METTL8: variants seen among roughly 807,000 people sequenced by gnomAD.
METTL8 encodes tRNA N(3)-cytidine methyltransferase METTL8, mitochondrial.
METTL8 carries 32 observed loss-of-function variants against 48.7 expected under a neutral mutation model. The ratio of observed to expected loss-of-function variants is 0.66; its 90% CI spans 0.50 to 0.88. The LOEUF (loss-of-function observed/expected upper bound fraction) is 0.88. METTL8 is among the 40% of genes least tolerant of loss of function. METTL8 has a pLI of 0.00. For synonymous variants in METTL8, 136 were observed against 157.1 expected, an observed-to-expected ratio of 0.87 and a Z score of 1.01; for missense variants, 464 against 474.4, an observed-to-expected ratio of 0.98 and a Z score of 0.20.
intron 1 of METTL8, among the ~76,000 whole-genome samples, chr2:171,404,046 C>T (rs1689903598): frequency 1.3e-5 from 1 of 78,146 alleles, no homozygotes. Flanking sequence ...ACATACTATG[C>T]TTTCTCATAT....
At chr2:171,355,521 A>G (rs1684433202) in intron 3 of METTL8, among the ~76,000 whole-genome samples, 1 of 152,232 alleles carries the variant, frequency 6.6e-6, no homozygotes, top group African/African-American at 2.4e-5. Flanking sequence ...TTAAGTCTGC[A>G]GAAGCTTCTG....
intron 7 of METTL8, among the ~76,000 whole-genome samples, chr2:171,329,392 C>G (rs1685291685): frequency 6.6e-6 from 1 of 152,202 alleles, no homozygotes; most frequent in African/African-American, 2.4e-5. Flanking sequence ...TTAGATGTTT[C>G]TTGTTATGGG....
chr2:171,361,795 A>C (rs541397443), intron 2 of METTL8, among the ~76,000 whole-genome samples: 1 of 152,268 alleles, frequency 6.6e-6, no homozygotes, highest in South Asian at 2.1e-4. Context: ...GGACACAGAG[A>C]GATTTAAGAT....
intron 1 of METTL8, among the ~76,000 whole-genome samples, chr2:171,397,206 A>C (rs74680158): frequency 0.031 from 4,742 of 151,798 alleles, 84 homozygotes; most frequent in East Asian, 0.051. Context: ...AAAAATAAAA[A>C]CAGAAAGCAA....
At chr2:171,396,439 G>GTCTGATATTAA in intron 1 of METTL8, among the ~76,000 whole-genome samples, 1 of 152,090 alleles carries the variant, frequency 6.6e-6, no homozygotes, top group East Asian at 1.9e-4. Context: ...GGTCTACTTT[G>GTCTGATATTAA]TCTGATATTA....
At chr2:171,389,073 G>C (rs1209261122) in intron 2 of METTL8, among the ~76,000 whole-genome samples, 2 of 152,124 alleles carry the variant, frequency 1.3e-5, no homozygotes, top group Non-Finnish European at 2.9e-5. Flanking sequence ...CAAATGAAAG[G>C]AATAGTTATA....
chr2:171,375,283 G>A (rs1019489530), intron 2 of METTL8: 7 of 859,496 alleles, frequency 8.1e-6, no homozygotes, highest in Non-Finnish European at 1.4e-5. Context: ...TGTCATCTTG[G>A]AGGCACGGAC....
At chr2:171,369,497 C>G (rs1686079889) in intron 2 of METTL8, among the ~76,000 whole-genome samples, 1 of 152,190 alleles carries the variant, frequency 6.6e-6, no homozygotes, top group Admixed American at 6.5e-5. Context: ...TATACATTTA[C>G]ATTAAAATAT....
intron 4 of METTL8, among the ~76,000 whole-genome samples, chr2:171,338,627 C>T (rs983593560): frequency 9.0e-6 from 1 of 110,788 alleles, no homozygotes; most frequent in East Asian, 2.4e-4. Context: ...GCAACAAGAA[C>T]AAAAGTCTGT....
chr2:171,393,464 T>C (rs1688778948), intron 1 of METTL8, among the ~76,000 whole-genome samples: 1 of 150,082 alleles, frequency 6.7e-6, no homozygotes, highest in Non-Finnish European at 1.5e-5. Context: ...AATCATCTGC[T>C]GATTAGCCCA....
Position 171,326,774 on chromosome 2 carries a change from C to A in METTL8, c.861-626G>T, listed in dbSNP as rs138185353. Among the ~76,000 whole-genome samples the A allele has an allele frequency of 1.9e-4, 29 of 152,130 alleles. No homozygotes were observed. In the East Asian group the frequency reaches 5.6e-3, roughly 29 times the overall value. On this transcript the variant is annotated intron_variant, in intron 7 of 9. Transcript: ENST00000375258. ...GTTTCCCATTTGTACTCCCTTAGTA[C>A]CAACCCCTATCTCCTTAGGCCTGGA...
At chr2:171,331,196 C>T (rs1324576692) in intron 6 of METTL8, among the ~76,000 whole-genome samples, 4 of 152,096 alleles carry the variant, frequency 2.6e-5, no homozygotes, top group Admixed American at 6.5e-5. Context: ...CTGCAACCTC[C>T]GCCTCCTGGG....
At chr2:171,399,159 T>C (rs1249030702) in intron 1 of METTL8, among the ~76,000 whole-genome samples, 2 of 152,108 alleles carry the variant, frequency 1.3e-5, no homozygotes, top group African/African-American at 2.4e-5. Flanking sequence ...CAAGCAAGAC[T>C]TTAGGGCCAT....
At chr2:171,336,375 A>G (rs1276214769) in intron 5 of METTL8, among the ~76,000 whole-genome samples, 6 of 145,018 alleles carry the variant, frequency 4.1e-5, no homozygotes, top group South Asian at 4.4e-4. Flanking sequence ...GATTACAGGC[A>G]TGAGCCACCA....
At chr2:171,361,221 A>AT (rs960295391) in intron 2 of METTL8, among the ~76,000 whole-genome samples, 6 of 148,846 alleles carry the variant, frequency 4.0e-5, no homozygotes, top group South Asian at 2.1e-4. Context: ...AAGAAAGGTA[A>AT]TTTTTTTTAA....
chr2:171,371,606 C>T (rs1387080720), intron 2 of METTL8, among the ~76,000 whole-genome samples: 1 of 152,018 alleles, frequency 6.6e-6, no homozygotes, highest in Non-Finnish European at 1.5e-5. Flanking sequence ...ATGCGCCTGC[C>T]TTGGCTTCCC....
chr2:171,332,117 C>G (rs1685601710), intron 5 of METTL8: 1 of 342,140 alleles, frequency 2.9e-6, no homozygotes, highest in African/African-American at 2.1e-5. Context: ...AACTATTGTT[C>G]TCAAATGATC....
rs376275177 is a variant in METTL8, at chr2:171,337,010, G to A, written c.656+443C>T. Among the ~76,000 whole-genome samples, 10 of 151,910 alleles carry A rather than the reference G, an allele frequency of 6.6e-5. No individual in the cohort carries two copies. The South Asian group carries it at 2.1e-3, about 32-fold the overall frequency. On this transcript the variant is annotated intron_variant, in intron 5 of 9. Transcript: ENST00000375258. ...AGCTTCCCAAGTAGCTGGGATTACAGGCATGCGCCACCATGCCTGGCTAAT... is the reference window on the plus strand; with the variant it reads ...AGCTTCCCAAGTAGCTGGGATTACAAGCATGCGCCACCATGCCTGGCTAAT...
At chr2:171,324,544 C>T (rs1684733284) in intron 9 of METTL8, among the ~76,000 whole-genome samples, 182 bp from the exon 10 acceptor site, 1 of 152,180 alleles carries the variant, frequency 6.6e-6, no homozygotes, top group Non-Finnish European at 1.5e-5. Flanking sequence ...CACAAAAATA[C>T]ACCATGCATA....
Sources: gnomAD v4.1 joint callset for allele counts (sites outside exome capture counted in the v4.1 genomes callset) on GRCh38, gnomAD v4.1.1 for gene constraint, MANE v1.5 for transcripts, NCBI Gene and HGNC (gene_info 2026-07-23, HGNC 2026-07-21) for gene names.